EPYC: variants seen among roughly 807,000 people sequenced by gnomAD.
EPYC encodes the protein epiphycan.
In EPYC, 28 loss-of-function variants were observed where a neutral mutation model predicts 30.1. The ratio of observed to expected loss-of-function variants is 0.93; its 90% CI spans 0.69 to 1.28. The LOEUF is 1.28. Among genes scored for constraint, EPYC ranks in the 50% most tolerant of loss-of-function variants. The probability of loss-of-function intolerance (pLI) is 0.00; values close to 1 mark genes in which losing one functional copy is unlikely to be tolerated. For missense variants in EPYC, 382 were observed against 383.5 expected (o/e 1.00, Z 0.03); for synonymous variants, 144 against 141.4 (o/e 1.02, Z -0.13).
intron 2 of EPYC, among the ~76,000 whole-genome samples, chr12:90,998,658 G>T (rs1487053392): frequency 6.6e-6 from 1 of 152,066 alleles, no homozygotes; most frequent in Non-Finnish European, 1.5e-5. Context: ...ACTTACAGTG[G>T]AATAATTCAA....
chr12:91,000,124 A>C (rs1877788888), intron 2 of EPYC, among the ~76,000 whole-genome samples: 1 of 152,076 alleles, frequency 6.6e-6, no homozygotes, highest in African/African-American at 2.4e-5. Flanking sequence ...TCACCAAGGA[A>C]TGTTAAGTAA....
At chr12:90,999,651 A>C (rs1877775490) in intron 2 of EPYC, among the ~76,000 whole-genome samples, 1 of 152,120 alleles carries the variant, frequency 6.6e-6, no homozygotes, top group South Asian at 2.1e-4. Context: ...TTAATATATA[A>C]AAATGAGATA....
rs551567936 is a variant in EPYC at position 90,991,247 on chromosome 12, A to G, written c.165+11154T>C. On this transcript the variant is annotated intron_variant, in intron 2 of 6. Coordinates refer to ENST00000261172, the MANE Select transcript of EPYC (RefSeq NM_004950.5). ...GTGTACACATTAACCAACAAAGGGT[A>G]AGTTTCTCTGTCCCTGGAAAACTCA... 4.6e-5 allele frequency among the ~76,000 whole-genome samples: 7 copies of G among 152,284 alleles called. No individual in the cohort carries two copies. In the East Asian group the frequency reaches 9.6e-4, roughly 21 times the overall value.
At chr12:90,974,493 T>C (rs1186258647) in intron 3 of EPYC, among the ~76,000 whole-genome samples, 1 of 152,068 alleles carries the variant, frequency 6.6e-6, no homozygotes, top group Non-Finnish European at 1.5e-5. Flanking sequence ...TGGGGTTTGT[T>C]TGATGAAGGG....
intron 2 of EPYC, among the ~76,000 whole-genome samples, chr12:90,991,636 T>C (rs1355988836): frequency 6.6e-6 from 1 of 152,166 alleles, no homozygotes; most frequent in Admixed American, 6.5e-5. Context: ...AGTAAAGAGA[T>C]AAAATTAAGA....
intron 2 of EPYC, among the ~76,000 whole-genome samples, chr12:90,980,793 C>T (rs998421962): frequency 1.1e-4 from 17 of 152,266 alleles, no homozygotes; most frequent in African/African-American, 4.1e-4. Flanking sequence ...GCTTTATGCT[C>T]TATTCTTTTT....
chr12:90,983,393 G>C (rs891580381), intron 2 of EPYC, among the ~76,000 whole-genome samples: 2 of 152,134 alleles, frequency 1.3e-5, no homozygotes, highest in African/African-American at 4.8e-5. Flanking sequence ...CCGGGCACCT[G>C]TTGGCCAGTT....
chr12:90,972,266 T>A (rs1877071697), intron 4 of EPYC, among the ~76,000 whole-genome samples: 1 of 152,202 alleles, frequency 6.6e-6, no homozygotes, highest in African/African-American at 2.4e-5. Flanking sequence ...TTTGTCTGGA[T>A]TTTGTCATTT....
intron 5 of EPYC, among the ~76,000 whole-genome samples, chr12:90,971,306 T>C (rs1320982477): frequency 6.6e-6 from 1 of 152,110 alleles, no homozygotes; most frequent in Non-Finnish European, 1.5e-5. Flanking sequence ...CAGAATATGG[T>C]GTTTCTCAGA....
intron 6 of EPYC, among the ~76,000 whole-genome samples, chr12:90,969,534 A>AC (rs1876982246): frequency 6.6e-6 from 1 of 151,618 alleles, no homozygotes; most frequent in Non-Finnish European, 1.5e-5. Context: ...AAAAAAAAAA[A>AC]AACCTGCACT....
chr12:90,965,856 C>A (rs1000585060), intron 6 of EPYC, among the ~76,000 whole-genome samples: 2 of 151,830 alleles, frequency 1.3e-5, no homozygotes, highest in African/African-American at 2.4e-5. Flanking sequence ...TGTTAAATTT[C>A]TTTTAGATAC....
At chr12:90,987,290 C>T (rs192127748) in intron 2 of EPYC, among the ~76,000 whole-genome samples, 23 of 151,384 alleles carry the variant, frequency 1.5e-4, no homozygotes, top group Admixed American at 3.9e-4. Context: ...ACCTCCCCTC[C>T]GCCCAGAGAC....
rs548173413 is a variant in EPYC at position 90,986,733 on chromosome 12, G to A, written c.166-8471C>T. Among the ~76,000 whole-genome samples the A allele has an allele frequency of 7.2e-5, 11 of 152,244 alleles. No individual in the cohort carries two copies. The South Asian group carries it at 2.3e-3, about 32-fold the overall frequency. On this transcript the variant is annotated intron_variant, in intron 2 of 6. Transcript: ENST00000261172. ...ACCTGAGTCAACCCAGTGCAAACCA[G>A]CAGCACATCGGAACCCATATATCTG...
intron 2 of EPYC, among the ~76,000 whole-genome samples, chr12:90,990,192 C>G (rs1311392081): frequency 1.3e-5 from 2 of 152,016 alleles, no homozygotes; most frequent in Non-Finnish European, 2.9e-5. Flanking sequence ...ATTTTTTATT[C>G]AGTTTCTATC....
At chr12:90,972,391 C>A (rs559465484) in intron 4 of EPYC, among the ~76,000 whole-genome samples, 1 of 152,294 alleles carries the variant, frequency 6.6e-6, no homozygotes, top group African/African-American at 2.4e-5. Flanking sequence ...TACCAAAATT[C>A]TTCTAAGTTG....
chr12:90,990,980 C>T (rs1171787250), intron 2 of EPYC, among the ~76,000 whole-genome samples: 1 of 151,920 alleles, frequency 6.6e-6, no homozygotes, highest in Non-Finnish European at 1.5e-5. Context: ...ACTATTTTAT[C>T]TTAAATGGCC....
intron 2 of EPYC, among the ~76,000 whole-genome samples, chr12:90,979,851 C>A (rs2120830402): frequency 1.3e-5 from 2 of 152,254 alleles, no homozygotes; most frequent in South Asian, 4.1e-4. Context: ...TAAGTCACAG[C>A]TCTATGTTTA....
At chr12:91,003,489 T>G (rs1034512375) in intron 1 of EPYC, among the ~76,000 whole-genome samples, 16 of 152,072 alleles carry the variant, frequency 1.1e-4, no homozygotes, top group Non-Finnish European at 2.4e-4. Flanking sequence ...TATTTTCCAT[T>G]ATAACATTAT....
chr12:91,000,545 A>G (rs1565877108), intron 2 of EPYC, among the ~76,000 whole-genome samples: 1 of 151,810 alleles, frequency 6.6e-6, no homozygotes, highest in African/African-American at 2.4e-5. Flanking sequence ...AGATATAGTC[A>G]TTTTTTTCAT....
Sources: gnomAD v4.1 joint callset for allele counts (sites outside exome capture counted in the v4.1 genomes callset) on GRCh38, gnomAD v4.1.1 for gene constraint, MANE v1.5 for transcripts, NCBI Gene and HGNC (gene_info 2026-07-23, HGNC 2026-07-21) for gene names.